The following CHSY1 variants were observed in gnomAD, a reference collection of about 807,000 sequenced individuals.
The protein encoded by CHSY1 is chondroitin sulfate synthase 1, also known as N-acetylgalactosaminyl-proteoglycan 3-beta-glucuronosyltransferase 1.
In CHSY1, 13 loss-of-function variants were observed where a neutral mutation model predicts 59.8. The observed-to-expected ratio is 0.22, with a 90% confidence interval of 0.14 to 0.35. The LOEUF (loss-of-function observed/expected upper bound fraction) is 0.35, where lower values mean the gene tolerates loss of function less well. Among genes scored for constraint, CHSY1 ranks in the 10% least tolerant of loss-of-function variants. CHSY1 has a pLI of 1.00. For missense variants in CHSY1, 947 were observed against 1,030.6 expected (o/e 0.92, Z 1.11); for synonymous variants, 459 against 401.2 (o/e 1.14, Z -1.72).
intron 1 of CHSY1, among the ~76,000 whole-genome samples, chr15:101,243,761 G>C (rs1177855546): frequency 2.6e-5 from 4 of 152,236 alleles, no homozygotes; most frequent in African/African-American, 4.8e-5. Context: ...TGCAGTGCTT[G>C]GGCTGGATTT....
Position 101,251,457 on chromosome 15 carries a change from G to A in CHSY1, c.-1C>T. ...AGGCGCGCCGGCCGCGCGCGGCCAT[G>A]CCCGCGCCGCTCCGCCCGCCGGGCC... On this transcript the variant is annotated 5_prime_UTR_variant, in exon 1 of 3. Transcript: ENST00000254190. 1 of 941,450 alleles carries A rather than the reference G, an allele frequency of 1.1e-6. No homozygotes were observed. Among genetic ancestry groups the A allele is most frequent in the South Asian group, 4.5e-5 (1 of 22,036 alleles). The allele number at this position is 941,450 out of a possible 1,614,324, so 58.3% of individuals were successfully genotyped here. A position where few individuals can be genotyped will look rare whatever the true frequency, so the allele number is the denominator to read the frequency against.
At chr15:101,224,375 A>C (rs2038818934) in intron 2 of CHSY1, among the ~76,000 whole-genome samples, 1 of 152,218 alleles carries the variant, frequency 6.6e-6, no homozygotes, top group Non-Finnish European at 1.5e-5. Context: ...CACTAACCTG[A>C]CTTTATAAAA....
At chr15:101,216,193 A>C (rs879396754) in intron 2 of CHSY1, among the ~76,000 whole-genome samples, 4 of 140,682 alleles carry the variant, frequency 2.8e-5, no homozygotes, top group African/African-American at 7.9e-5. Flanking sequence ...CAAAAATGAG[A>C]CACCGCTATA....
intron 2 of CHSY1, among the ~76,000 whole-genome samples, chr15:101,217,990 G>A (rs940919458): frequency 2.6e-5 from 4 of 152,124 alleles, no homozygotes; most frequent in African/African-American, 4.8e-5. Context: ...CCATGCTGAC[G>A]GTACGTACCC....
In CHSY1 at chr15:101,235,700, C is replaced by T. The variant is rs7165356; in HGVS notation, c.321-123G>A. On this transcript the variant is annotated intron_variant, in intron 1 of 2. Transcript: ENST00000254190. The stretch of plus-strand genomic sequence containing the variant: ...GAATGATAAAAAGCTACTTGGCCTG[C>T]TTGGTTCCTCTTAACGAAAGCCCAG... 0.22 allele frequency: 233,571 copies of T among 1,063,080 alleles called. 31,841 individuals carry two copies. The highest frequency in any genetic ancestry group is 0.61 in the African/African-American group (39,126 of 63,656). 65.9% of individuals were successfully genotyped at this position (1,063,080 alleles called of 1,614,324 possible).
intron 1 of CHSY1, 110 bp from the exon 2 acceptor site, chr15:101,235,687 G>A (rs1251676945): frequency 1.0e-5 from 13 of 1,253,520 alleles, no homozygotes; most frequent in Non-Finnish European, 1.5e-5. Context: ...ATGATAAAAA[G>A]CTACTTGGCC....
In CHSY1 at chr15:101,181,417, G is replaced by A. The variant is rs187535067; in HGVS notation, c.817-2437C>T. ...AATGAACACGAAGAACCATAATATCGTTTGTGGAAGGTCTCTCCATTTCCA... is the reference window on the plus strand; with the variant it reads ...AATGAACACGAAGAACCATAATATCATTTGTGGAAGGTCTCTCCATTTCCA... On this transcript the variant is annotated intron_variant, in intron 2 of 2. Transcript: ENST00000254190. Among the ~76,000 whole-genome samples, 431 of 152,268 alleles carry A rather than the reference G, an allele frequency of 2.8e-3. 6 individuals carry two copies. The highest frequency in any genetic ancestry group is 6.8e-3 in the Middle Eastern group (2 of 294).
chr15:101,197,213 G>A (rs537853783), intron 2 of CHSY1, among the ~76,000 whole-genome samples: 1 of 152,278 alleles, frequency 6.6e-6, no homozygotes, highest in East Asian at 1.9e-4. Flanking sequence ...TGGAAGGAGT[G>A]GGGAGAGGCA....
At chr15:101,248,758 T>C (rs998207063) in intron 1 of CHSY1, among the ~76,000 whole-genome samples, 3 of 152,224 alleles carry the variant, frequency 2.0e-5, no homozygotes, top group African/African-American at 7.2e-5. Flanking sequence ...TGTGAAACAG[T>C]AGTTCTAGTT....
At chr15:101,200,787 T>C (rs1296668941) in intron 2 of CHSY1, among the ~76,000 whole-genome samples, 1 of 152,170 alleles carries the variant, frequency 6.6e-6, no homozygotes, top group Admixed American at 6.5e-5. Flanking sequence ...GGGTGGTCTT[T>C]CAATATGGAA....
intron 2 of CHSY1, among the ~76,000 whole-genome samples, chr15:101,213,940 T>C (rs988389480): frequency 1.3e-5 from 2 of 152,256 alleles, no homozygotes; most frequent in South Asian, 2.1e-4. Flanking sequence ...TGTGGCAAAC[T>C]AGCCACTGTC....
intron 2 of CHSY1, among the ~76,000 whole-genome samples, chr15:101,231,081 G>T (rs764401475): frequency 1.3e-5 from 2 of 152,086 alleles, no homozygotes; most frequent in Admixed American, 6.6e-5. Context: ...GGGGCTGTAG[G>T]GGTGGTGGAG....
chr15:101,251,479 G>GTCCGCCGCCGCCGCCGCC lies in CHSY1; in HGVS notation c.-24_-23insGGCGGCGGCGGCGGCGGA. 2.8e-6 allele frequency: 2 copies of GTCCGCCGCCGCCGCCGCC among 703,418 alleles called. No homozygotes were observed. Among genetic ancestry groups the GTCCGCCGCCGCCGCCGCC allele is most frequent in the Non-Finnish European group, 3.5e-6 (2 of 577,174 alleles). 43.6% of individuals were successfully genotyped at this position (703,418 alleles called of 1,614,324 possible). On this transcript the variant is annotated 5_prime_UTR_variant, in exon 1 of 3. Coordinates refer to ENST00000254190, the MANE Select transcript of CHSY1 (RefSeq NM_014918.5). ...CATGCCCGCGCCGCTCCGCCCGCCG[G>GTCCGCCGCCGCCGCCGCC]GCCGCCGCCGCAGGCTCCGCGCGCC...
chr15:101,224,694 A>G (rs2038822435), intron 2 of CHSY1, among the ~76,000 whole-genome samples: 1 of 152,128 alleles, frequency 6.6e-6, no homozygotes, highest in Non-Finnish European at 1.5e-5. Flanking sequence ...CCCACAGGCA[A>G]TGCTAATACT....
intron 1 of CHSY1, among the ~76,000 whole-genome samples, chr15:101,236,941 C>T (rs537414475): frequency 2.6e-5 from 4 of 151,716 alleles, no homozygotes; most frequent in South Asian, 2.1e-4. Context: ...CAAATGTGGC[C>T]GGGGGCAGTG....
intron 1 of CHSY1, among the ~76,000 whole-genome samples, chr15:101,244,064 T>G (rs111981490): frequency 5.9e-5 from 9 of 152,316 alleles, no homozygotes; most frequent in African/African-American, 2.2e-4. Flanking sequence ...GAAAATGTAT[T>G]TGTCTACAGA....
intron 2 of CHSY1, among the ~76,000 whole-genome samples, chr15:101,184,776 C>T (rs112640376): frequency 5.3e-5 from 8 of 152,314 alleles, no homozygotes; most frequent in Admixed American, 1.3e-4. Context: ...GCCAAGTCTA[C>T]GCCCAGACTG....
chr15:101,218,398 A>G (rs1466923290), intron 2 of CHSY1, among the ~76,000 whole-genome samples: 1 of 152,008 alleles, frequency 6.6e-6, no homozygotes, highest in Non-Finnish European at 1.5e-5. Flanking sequence ...GGAGTTTGAG[A>G]ACAGCCTGGT....
chr15:101,245,060 C>A (rs903185876), intron 1 of CHSY1, among the ~76,000 whole-genome samples: 10 of 152,216 alleles, frequency 6.6e-5, no homozygotes, highest in African/African-American at 2.4e-4. Context: ...CGGTACTTGA[C>A]CAACTCTAGC....
Sources: gnomAD v4.1 joint callset for allele counts (sites outside exome capture counted in the v4.1 genomes callset) on GRCh38, gnomAD v4.1.1 for gene constraint, MANE v1.5 for transcripts, NCBI Gene and HGNC (gene_info 2026-07-23, HGNC 2026-07-21) for gene names.